Variants in MYH10 observed in about 807,000 individuals in gnomAD.
MYH10 encodes the protein myosin-10.
Under a neutral mutation model 257.8 loss-of-function variants are expected in MYH10, and 55 were observed. The ratio of observed to expected loss-of-function variants is 0.21; its 90% CI spans 0.17 to 0.27. The LOEUF (loss-of-function observed/expected upper bound fraction) is 0.27. Among genes scored for constraint, MYH10 ranks in the 10% least tolerant of loss-of-function variants. MYH10 has a pLI of 1.00. For missense variants in MYH10, 1,631 were observed against 2,500.6 expected, an observed-to-expected ratio of 0.65 and a Z score of 7.42; for synonymous variants, 854 against 921.7, an observed-to-expected ratio of 0.93 and a Z score of 1.33.
chr17:8,542,036 C>T, intron 14 of MYH10, 71 bp downstream of exon 14: 1 of 1,457,030 alleles, frequency 6.9e-7, no homozygotes, highest in Non-Finnish European at 9.3e-7. Context: ...TAATTTCTGT[C>T]TTGGGTTATG....
Position 8,490,632 on chromosome 17 carries a change from C to T in MYH10, c.4672-80G>A. ...AACAGCAGTCTTACTGTTTTACAGG[C>T]CCACTCGTGGCATGCTGGCCACTTT... On this transcript the variant is annotated intron_variant, in intron 34 of 42. Transcript: ENST00000360416. This position sits in a 1 kb window ranked among gnomAD's most constrained non-coding sequence, Gnocchi z 4.1. 1 of 1,448,026 alleles carries T rather than the reference C, an allele frequency of 6.9e-7. No individual in the cohort carries two copies. Among genetic ancestry groups the T allele is most frequent in the South Asian group, 1.2e-5 (1 of 85,222 alleles). The allele number at this position is 1,448,026 out of a possible 1,614,324, so 89.7% of individuals were successfully genotyped here.
Position 8,490,371 on chromosome 17 carries a change from T to G in MYH10, c.4853A>C (p.Asn1618Thr), listed in dbSNP as rs1915580517. The change falls in exon 35 of 43, where the codon AAT becomes ACT. Residue 1618 changes from asparagine to threonine, a missense_variant. Asn to Thr is a moderately conservative substitution (Grantham distance 65, BLOSUM62 0). This residue lies in a region of MYH10 where 463 missense variants were observed against 621.8 expected (regional missense o/e 0.74). Transcript: ENST00000360416. The surrounding 1 kb of genome is among the most constrained non-coding windows in gnomAD (Gnocchi z 4.1). ...GATCAGCAGCCGCTTCTTCTCTTCA[T>G]TCTGCTCATCCCTGGTTTGCAGGTC... The part of the protein sequence containing the change: ...ERDLQTRDEQ[N>T]EEKKRLLIKQ... The G allele has an allele frequency of 6.2e-7, 1 of 1,613,990 alleles. No homozygotes were observed. Among genetic ancestry groups the G allele is most frequent in the Admixed American group, 1.7e-5 (1 of 60,004 alleles).
At chr17:8,570,378 T>C (rs1334934229) in intron 6 of MYH10, among the ~76,000 whole-genome samples, 1 of 152,186 alleles carries the variant, frequency 6.6e-6, no homozygotes, top group Non-Finnish European at 1.5e-5. Context: ...AAAGGCTAAG[T>C]AGAGAGGATT....
In MYH10 at chr17:8,484,302, A is replaced by G. The variant is rs373690745; in HGVS notation, c.5047-36T>C. 8.7e-5 allele frequency: 138 copies of G among 1,577,280 alleles called. 1 individual carries two copies. The highest frequency in any genetic ancestry group is 1.1e-4 in the Non-Finnish European group (129 of 1,168,566). On this transcript the variant is annotated intron_variant, in intron 36 of 42. Coordinates refer to ENST00000360416, the MANE Select transcript of MYH10 (RefSeq NM_001256012.3). ...ATAAGAAGGTTTTGGGGTGGTTTAC[A>G]TTCTTAGTTTTAGTTAAAATAAAAT...
chr17:8,490,698 C>T lies in MYH10; in HGVS notation c.4672-146G>A. 2 of 684,374 alleles carry T rather than the reference C, an allele frequency of 2.9e-6. No individual in the cohort carries two copies. The highest frequency in any genetic ancestry group is 3.5e-5 in the South Asian group (2 of 57,144). 42.4% of individuals were successfully genotyped at this position (684,374 alleles called of 1,614,324 possible). On this transcript the variant is annotated intron_variant, in intron 34 of 42. Coordinates refer to ENST00000360416, the MANE Select transcript of MYH10 (RefSeq NM_001256012.3). The surrounding 1 kb of genome is among the most constrained non-coding windows in gnomAD (Gnocchi z 4.1). ...GCCCCCTGCCACATGCATACACATC[C>T]TTCCCTCTCCCCTGAAAGCTGCTGC... is the stretch of plus-strand genomic sequence containing the variant.
chr17:8,514,274 C>T (rs1447138928), intron 21 of MYH10, among the ~76,000 whole-genome samples: 1 of 152,214 alleles, frequency 6.6e-6, no homozygotes, highest in African/African-American at 2.4e-5. Flanking sequence ...CTTTATCGTG[C>T]CTTTAGGAGC....
rs776217752 is a variant in MYH10, at chr17:8,487,552, G to A, written c.4927C>T (p.Arg1643Trp). Reference protein sequence around the residue: ...EAELEDERKQRALAVASKKKM... With the variant: ...EAELEDERKQWALAVASKKKM... ...TTCTTTGAAGCTACAGCAAGCGCCC[G>A]CTGTTTCCTCTCATCCTCCAGCTCC... The change falls in exon 36 of 43, where the codon CGG becomes TGG. Residue 1643 changes from arginine (R) to tryptophan (W), a missense_variant. Coordinates refer to ENST00000360416, the MANE Select transcript of MYH10 (RefSeq NM_001256012.3). 14 of 1,614,124 alleles carry A rather than the reference G, an allele frequency of 8.7e-6. No individual in the cohort carries two copies. Among genetic ancestry groups the A allele is most frequent in the Non-Finnish European group, 1.2e-5 (14 of 1,180,028 alleles).
At position 8,487,430 on chromosome 17, in the gene MYH10, T is replaced by C; in HGVS notation, c.5046+3A>G. On this transcript the variant is annotated splice_donor_region_variant and intron_variant, in intron 36 of 42. Coordinates refer to ENST00000360416, the MANE Select transcript of MYH10 (RefSeq NM_001256012.3). ...CAGAGACTCCATGGGTGAAGGCACA[T>C]ACCTGGAGCTTGCGGAGCTGCTTAA... 1 of 1,614,060 alleles carries C rather than the reference T, an allele frequency of 6.2e-7. No homozygotes were observed. The highest frequency in any genetic ancestry group is 8.5e-7 in the Non-Finnish European group (1 of 1,180,034).
At position 8,520,002 on chromosome 17, in the gene MYH10, C is replaced by T. The variant is rs565512626; in HGVS notation, c.2273+876G>A. Among the ~76,000 whole-genome samples, 11 of 152,096 alleles carry T rather than the reference C, an allele frequency of 7.2e-5. No individual in the cohort carries two copies. The South Asian group carries it at 1.2e-3, about 17-fold the overall frequency. ...TGTTAGCTAAAAGACTGTAATTGCA[C>T]GCATGTGTGTGCACATGTATACACA... On this transcript the variant is annotated intron_variant, in intron 19 of 42. Coordinates refer to ENST00000360416, the MANE Select transcript of MYH10 (RefSeq NM_001256012.3).
chr17:8,533,474 C>T (rs1273967620), intron 16 of MYH10, among the ~76,000 whole-genome samples: 1 of 152,146 alleles, frequency 6.6e-6, no homozygotes, highest in African/African-American at 2.4e-5. Context: ...CTACAAATGC[C>T]ACCCCAGACA....
intron 3 of MYH10, among the ~76,000 whole-genome samples, chr17:8,592,264 C>T (rs1221425559): frequency 6.7e-6 from 1 of 150,080 alleles, no homozygotes; most frequent in Non-Finnish European, 1.5e-5. Flanking sequence ...TAGAAAAGAG[C>T]AAATTAAATC....
chr17:8,529,643 A>G (rs922985352), intron 17 of MYH10, among the ~76,000 whole-genome samples: 34 of 152,146 alleles, frequency 2.2e-4, no homozygotes, highest in African/African-American at 8.0e-4. Context: ...CTTGCAGTCT[A>G]CTTCTTTCAT....
intron 2 of MYH10, among the ~76,000 whole-genome samples, chr17:8,621,967 T>C (rs946447209): frequency 5.3e-5 from 8 of 152,240 alleles, no homozygotes; most frequent in Non-Finnish European, 8.8e-5. Context: ...CCCCAGCACC[T>C]AGAGCACAGG....
chr17:8,527,770 G>A (rs111859295), intron 17 of MYH10, among the ~76,000 whole-genome samples: 1 of 152,196 alleles, frequency 6.6e-6, no homozygotes, highest in East Asian at 1.9e-4. Flanking sequence ...GTTGCTGTCC[G>A]CACTTGTCCT....
chr17:8,602,961 G>A (rs1186843539), intron 3 of MYH10, among the ~76,000 whole-genome samples: 1 of 152,186 alleles, frequency 6.6e-6, no homozygotes, highest in Admixed American at 6.5e-5. Flanking sequence ...ATGATATGCT[G>A]ATAAGCCACA....
At position 8,474,800 on chromosome 17, in the gene MYH10, C is replaced by T. The variant is rs538644950; in HGVS notation, c.*1004G>A. 1 of 152,868 alleles carries T rather than the reference C, an allele frequency of 6.5e-6. No homozygotes were observed. The highest frequency in any genetic ancestry group is 2.1e-4 in the South Asian group (1 of 4,824). The allele number at this position is 152,868 out of a possible 1,614,324, so 9.5% of individuals were successfully genotyped here. A position where few individuals can be genotyped will look rare whatever the true frequency, so the allele number is the denominator to read the frequency against. On this transcript the variant is annotated 3_prime_UTR_variant, in exon 43 of 43. Coordinates refer to ENST00000360416, the MANE Select transcript of MYH10 (RefSeq NM_001256012.3). ...GGAGTCACACCCACTGGCATGTCAA[C>T]ATTCAGGAAGATGGCATCTGTTCTG...
In MYH10 at chr17:8,554,145, A is replaced by C; in HGVS notation, c.757-127T>G. On this transcript the variant is annotated intron_variant, in intron 7 of 42. Transcript: ENST00000360416. Reference sequence around the variant, plus strand: ...AATAATGGATCTTATATATTGCCTCAAACAAAAAGAAAAAAGAAGAAAACA... The same window carrying C: ...AATAATGGATCTTATATATTGCCTCCAACAAAAAGAAAAAAGAAGAAAACA... 3 of 575,474 alleles carry C rather than the reference A, an allele frequency of 5.2e-6. No homozygotes were observed. In the South Asian group the frequency reaches 7.8e-5, roughly 15 times the overall value. The allele number at this position is 575,474 out of a possible 1,614,324, so 35.6% of individuals were successfully genotyped here.
intron 17 of MYH10, among the ~76,000 whole-genome samples, chr17:8,526,044 G>A (rs1381616538): frequency 6.6e-6 from 1 of 152,176 alleles, no homozygotes; most frequent in Non-Finnish European, 1.5e-5. Context: ...GCCCGCCTTG[G>A]CCTCTCAAAG....
rs929917281 is a variant in MYH10, at chr17:8,569,505, A to C, written c.756+215T>G. 2.0e-5 allele frequency among the ~76,000 whole-genome samples: 3 copies of C among 152,236 alleles called. No homozygotes were observed. Among genetic ancestry groups the C allele is most frequent in the African/African-American group, 7.2e-5 (3 of 41,450 alleles). On this transcript the variant is annotated intron_variant, in intron 7 of 42. Coordinates refer to ENST00000360416, the MANE Select transcript of MYH10 (RefSeq NM_001256012.3). This position sits in a 1 kb window ranked among gnomAD's most constrained non-coding sequence, Gnocchi z 4.1. The stretch of plus-strand genomic sequence containing the variant: ...AGACAGAGTTATACATTTCTGTATG[A>C]TAAAATGATGAAAGTTACTTACACA...
Sources: gnomAD v4.1 joint callset for allele counts (sites outside exome capture counted in the v4.1 genomes callset) on GRCh38, gnomAD v4.1.1 for gene constraint, gnomAD v4.1.1 regional missense constraint, Gnocchi (gnomAD v3.1) non-coding constraint, MANE v1.5 for transcripts, NCBI Gene and HGNC (gene_info 2026-07-23, HGNC 2026-07-21) for gene names.